The following C2orf42 variants were observed in gnomAD, a reference collection of about 807,000 sequenced individuals.
C2orf42 encodes the protein chromosome 2 open reading frame 42, also known as uncharacterized protein C2orf42.
C2orf42 carries 44 observed loss-of-function variants against 58.9 expected under a neutral mutation model. That is an observed-to-expected ratio of 0.75 (90% CI 0.59 to 0.96). The LOEUF is 0.96. Ranked by LOEUF, C2orf42 falls within the 40% of genes least tolerant of loss-of-function variation. The probability of loss-of-function intolerance (pLI) is 0.00; values close to 1 mark genes in which losing one functional copy is unlikely to be tolerated. For synonymous variants in C2orf42, 239 were observed against 265.4 expected (o/e 0.90, Z 0.97); for missense variants, 630 against 699.2 (o/e 0.90, Z 1.12).
At chr2:70,190,696 G>C (rs1675296823) in intron 1 of C2orf42, 1 of 152,074 alleles carries the variant, frequency 6.6e-6, no homozygotes, top group Admixed American at 6.6e-5. Context: ...CTCACCTCCC[G>C]GCCGGCTTCC....
chr2:70,181,895 A>G lies in C2orf42; in HGVS notation c.91T>C (p.Cys31Arg). ...CCCCGGGTTCCATTGTATGTGCCACATCGGGGACACTTTCTGATTCCCCTC... is the reference window on the plus strand; with the variant it reads ...CCCCGGGTTCCATTGTATGTGCCACGTCGGGGACACTTTCTGATTCCCCTC... ...TLRGIRKCPR[C>R]GTYNGTRGLS... The change falls in exon 3 of 10, where the codon TGT becomes CGT. Residue 31 changes from cysteine to arginine, a missense_variant. Transcript: ENST00000264434. 1 of 1,613,822 alleles carries G rather than the reference A, an allele frequency of 6.2e-7. No homozygotes were observed. Among genetic ancestry groups the G allele is most frequent in the Non-Finnish European group, 8.5e-7 (1 of 1,179,744 alleles).
Position 70,180,734 on chromosome 2 carries a change from G to A in C2orf42, c.823+429C>T, listed in dbSNP as rs569528896. ...AGAAGGAATGCAACCAGGTGTGGCG[G>A]CTCACACCTGTGATCTCAGCACTTT... On this transcript the variant is annotated intron_variant, in intron 3 of 9. Coordinates refer to ENST00000264434, the MANE Select transcript of C2orf42 (RefSeq NM_017880.3). 3.3e-5 allele frequency among the ~76,000 whole-genome samples: 5 copies of A among 151,676 alleles called. No homozygotes were observed. In the East Asian group the frequency reaches 5.8e-4, roughly 18 times the overall value.
At chr2:70,187,529 G>C (rs1395965041) in intron 1 of C2orf42, among the ~76,000 whole-genome samples, 1 of 151,966 alleles carries the variant, frequency 6.6e-6, no homozygotes, top group Non-Finnish European at 1.5e-5. Context: ...TGGGATTACA[G>C]GCATGAGCCA....
chr2:70,160,851 G>A (rs1673014691), intron 8 of C2orf42, 64 bp from the exon 9 acceptor site: 1 of 981,012 alleles, frequency 1.0e-6, no homozygotes, highest in Non-Finnish European at 1.5e-6. Flanking sequence ...ACCAATACCT[G>A]GATGACGACA....
Position 70,181,268 on chromosome 2 carries a change from C to G in C2orf42, c.718G>C (p.Glu240Gln), listed in dbSNP as rs775103656. The G allele has an allele frequency of 6.2e-7, 1 of 1,613,366 alleles. No individual in the cohort carries two copies. The highest frequency in any genetic ancestry group is 8.5e-7 in the Non-Finnish European group (1 of 1,179,396). The change falls in exon 3 of 10, where the codon GAG becomes CAG. Residue 240 changes from glutamate to glutamine, a missense_variant. Coordinates refer to ENST00000264434, the MANE Select transcript of C2orf42 (RefSeq NM_017880.3). ...AAATGAATGCATCTCTGGGCTGTCT[C>G]ATCCTTGGAGGCATTTGACTTGTGC... ...KSHKSNASKDETAQRCIHFFA... is the reference protein window; with the variant it reads ...KSHKSNASKDQTAQRCIHFFA...
intron 9 of C2orf42, among the ~76,000 whole-genome samples, chr2:70,155,564 C>A (rs1388910283): frequency 8.1e-5 from 12 of 147,814 alleles, no homozygotes; most frequent in Admixed American, 8.1e-4. Context: ...TTTGGGAGGC[C>A]AAAGCGGGTG....
intron 9 of C2orf42, among the ~76,000 whole-genome samples, chr2:70,153,702 A>G (rs1672459796): frequency 6.6e-6 from 1 of 151,762 alleles, no homozygotes; most frequent in Non-Finnish European, 1.5e-5. Flanking sequence ...ACATAAGGAA[A>G]AGGGAGTAAA....
chr2:70,185,983 TC>T (rs1674906915), intron 1 of C2orf42, among the ~76,000 whole-genome samples: 1 of 118,918 alleles, frequency 8.4e-6, no homozygotes, highest in South Asian at 2.7e-4. Context: ...GCAGGCCCCA[TC>T]CCTAATTGTA....
intron 9 of C2orf42, among the ~76,000 whole-genome samples, chr2:70,152,693 A>C (rs971044063): frequency 6.6e-6 from 1 of 152,158 alleles, no homozygotes; most frequent in Non-Finnish European, 1.5e-5. Flanking sequence ...ATGTACCTGA[A>C]TTCTTGATGA....
intron 5 of C2orf42, among the ~76,000 whole-genome samples, chr2:70,175,023 G>A (rs1674091933): frequency 6.6e-6 from 1 of 151,582 alleles, no homozygotes; most frequent in South Asian, 2.1e-4. Context: ...TATCTTTATG[G>A]TTTTAGACAT....
At chr2:70,184,964 C>T (rs1156517489) in intron 1 of C2orf42, among the ~76,000 whole-genome samples, 8 of 151,758 alleles carry the variant, frequency 5.3e-5, no homozygotes, top group African/African-American at 1.9e-4. Context: ...GTGGCGGGCA[C>T]CTGTAGTCCC....
Position 70,158,085 on chromosome 2 carries a change from G to A in C2orf42, c.1516+2540C>T, listed in dbSNP as rs546141268. 2.0e-5 allele frequency among the ~76,000 whole-genome samples: 3 copies of A among 151,918 alleles called. No homozygotes were observed. In the South Asian group the frequency reaches 6.2e-4, roughly 32 times the overall value. On this transcript the variant is annotated intron_variant, in intron 9 of 9. Transcript: ENST00000264434. ...ATGCTGGCATGCGCCTGTAATCCCA[G>A]CTACTCAGGAGGCTGAGGCAGGAGA...
At chr2:70,163,938 G>A (rs1459629450) in intron 8 of C2orf42, among the ~76,000 whole-genome samples, 1 of 151,982 alleles carries the variant, frequency 6.6e-6, no homozygotes, top group East Asian at 1.9e-4. Context: ...GGGAGGCCAA[G>A]ATGGGAGGAC....
At chr2:70,172,930 A>G (rs1300656546) in intron 5 of C2orf42, among the ~76,000 whole-genome samples, 2 of 152,176 alleles carry the variant, frequency 1.3e-5, no homozygotes, top group Non-Finnish European at 2.9e-5. Context: ...TGGGAGGCCA[A>G]GGCAGGCGGA....
Position 70,156,560 on chromosome 2 carries a change from T to TA in C2orf42, c.1516+4064dup, listed in dbSNP as rs201264551. On this transcript the variant is annotated intron_variant, in intron 9 of 9. Transcript: ENST00000264434. ...AAAACTAAATGGATGGCGAACATAT[T>TA]AAAAAAAATAAAAAACAGGCCAGGC... Among the ~76,000 whole-genome samples, 1,234 of 151,418 alleles carry TA rather than the reference T, an allele frequency of 8.1e-3. 14 individuals are homozygous for TA. The highest frequency in any genetic ancestry group is 0.029 in the African/African-American group (1,185 of 41,290).
At chr2:70,182,980 G>A (rs1378920601) in intron 1 of C2orf42, 45 bp from the exon 2 acceptor site, 1 of 152,190 alleles carries the variant, frequency 6.6e-6, no homozygotes, top group East Asian at 1.9e-4. Context: ...ACAAAGACAG[G>A]ATGATTCTTT....
intron 7 of C2orf42, 103 bp from the exon 8 acceptor site, chr2:70,165,295 G>A: frequency 1.5e-6 from 1 of 689,224 alleles, no homozygotes; most frequent in South Asian, 1.9e-5. Flanking sequence ...TTTCCTTATA[G>A]ATTCTCAGCA....
At chr2:70,186,757 G>A (rs1295982917) in intron 1 of C2orf42, among the ~76,000 whole-genome samples, 1 of 152,128 alleles carries the variant, frequency 6.6e-6, no homozygotes, top group East Asian at 1.9e-4. Context: ...TATACACCAT[G>A]GAATACTATG....
intron 9 of C2orf42, among the ~76,000 whole-genome samples, chr2:70,154,671 G>T (rs1672545760): frequency 6.6e-6 from 1 of 152,152 alleles, no homozygotes; most frequent in Admixed American, 6.6e-5. Flanking sequence ...CCATCTGGAA[G>T]AAAATAAAAG....
Sources: gnomAD v4.1 joint callset for allele counts (sites outside exome capture counted in the v4.1 genomes callset) on GRCh38, gnomAD v4.1.1 for gene constraint, MANE v1.5 for transcripts, NCBI Gene and HGNC (gene_info 2026-07-23, HGNC 2026-07-21) for gene names.